Variants in KDM4C observed in about 807,000 individuals in gnomAD.
KDM4C encodes the protein lysine demethylase 4C, also known as lysine-specific demethylase 4C.
KDM4C carries 81 observed loss-of-function variants against 129.3 expected under a neutral mutation model. The observed-to-expected ratio is 0.63, with a 90% CI of 0.52 to 0.75. KDM4C has a LOEUF of 0.75. KDM4C is among the 30% of genes least tolerant of loss of function. The pLI is 0.00. For missense variants in KDM4C, 1,457 were observed against 1,304.0 expected (o/e 1.12, Z -1.81); for synonymous variants, 573 against 456.1 (o/e 1.26, Z -3.26).
At chr9:7,165,987 C>G (rs913327961) in intron 20 of KDM4C, among the ~76,000 whole-genome samples, 3 of 152,162 alleles carry the variant, frequency 2.0e-5, no homozygotes, top group African/African-American at 7.2e-5. Flanking sequence ...TTATTTCACC[C>G]AGAAATGAGA....
In KDM4C at chr9:6,784,562, GA is replaced by G. The variant is rs376986369; in HGVS notation, c.-17-8401del. On this transcript the variant is annotated intron_variant, in intron 1 of 21. Transcript: ENST00000381309. ...TATTCTTTATAGCAAAAGAAAAGAG[GA>G]AAAAAAAATCCTTTTGGTCTAGGAT... Among the ~76,000 whole-genome samples the G allele has an allele frequency of 6.1e-3, 918 of 151,352 alleles. 8 individuals carry two copies. Among genetic ancestry groups the G allele is most frequent in the African/African-American group, 0.021 (873 of 41,310 alleles).
chr9:6,966,214 G>T (rs1248366322), intron 8 of KDM4C, among the ~76,000 whole-genome samples: 3 of 151,750 alleles, frequency 2.0e-5, no homozygotes, highest in Non-Finnish European at 4.4e-5. Flanking sequence ...ACGGAGTCTC[G>T]CTCTGTCTCC....
At chr9:6,847,292 A>G (rs983511874) in intron 4 of KDM4C, among the ~76,000 whole-genome samples, 11 of 152,230 alleles carry the variant, frequency 7.2e-5, no homozygotes, top group Admixed American at 6.5e-4. Context: ...GTCTGATTGG[A>G]CTAGAGTTAA....
At chr9:7,112,288 A>T (rs926212262) in intron 18 of KDM4C, among the ~76,000 whole-genome samples, 4 of 152,132 alleles carry the variant, frequency 2.6e-5, no homozygotes, top group African/African-American at 9.7e-5. Context: ...GGATGGTCCC[A>T]TGCGAGGTTT....
chr9:6,950,991 G>A (rs1014072522), intron 8 of KDM4C, among the ~76,000 whole-genome samples: 1 of 151,966 alleles, frequency 6.6e-6, no homozygotes, highest in Admixed American at 6.6e-5. Flanking sequence ...ATCTCTGAAG[G>A]GAGGCATTCA....
At chr9:6,882,835 A>T (rs986423454) in intron 6 of KDM4C, among the ~76,000 whole-genome samples, 1 of 150,356 alleles carries the variant, frequency 6.7e-6, no homozygotes, top group Non-Finnish European at 1.5e-5. Context: ...CACATTGTGG[A>T]ATTTTTTTAA....
chr9:7,023,014 A>T (rs565518158), intron 15 of KDM4C, among the ~76,000 whole-genome samples: 1 of 152,184 alleles, frequency 6.6e-6, no homozygotes, highest in Non-Finnish European at 1.5e-5. Context: ...GTCATGATGA[A>T]TGATCTTTTT....
chr9:6,813,740 G>T (rs564090578), intron 3 of KDM4C, among the ~76,000 whole-genome samples: 1 of 152,072 alleles, frequency 6.6e-6, no homozygotes, highest in Non-Finnish European at 1.5e-5. Context: ...CTATGTGAGA[G>T]ATAACCATTA....
intron 15 of KDM4C, among the ~76,000 whole-genome samples, chr9:7,027,539 C>A (rs1182657414): frequency 1.3e-5 from 2 of 152,194 alleles, no homozygotes; most frequent in East Asian, 3.9e-4. Flanking sequence ...AGAACTGAAG[C>A]AAGCACAGCA....
chr9:7,067,344 G>A (rs7034275), intron 17 of KDM4C, among the ~76,000 whole-genome samples: 1 of 152,074 alleles, frequency 6.6e-6, no homozygotes, highest in Admixed American at 6.5e-5. Flanking sequence ...AAGCACAACA[G>A]TTTTTGTAAC....
rs551519252 is a variant in KDM4C, at chr9:7,103,759, G to C, written c.2499G>C (p.Pro833=). 3.1e-6 allele frequency: 5 copies of C among 1,613,812 alleles called. No homozygotes were observed. The highest frequency in any genetic ancestry group is 2.2e-5 in the South Asian group (2 of 91,082). Residue 833 remains proline (P), a synonymous_variant, in exon 18 of 22, where the codon CCG becomes CCC. Coordinates refer to ENST00000381309, the MANE Select transcript of KDM4C (RefSeq NM_015061.6). ...ACIQCSYGRC[P]ASFHVTCAHA... ...TCCAGTGTTCCTACGGTCGCTGCCC[G>C]GCCTCCTTCCATGTCACTTGTGCCC...
intron 18 of KDM4C, among the ~76,000 whole-genome samples, chr9:7,110,508 T>C (rs751015526): frequency 6.6e-6 from 1 of 152,202 alleles, no homozygotes; most frequent in Non-Finnish European, 1.5e-5. Context: ...TTTTCTAAAA[T>C]TCTCTTAACT....
rs571410939 is a variant in KDM4C at position 7,129,972 on chromosome 9, C to G, written c.2781+1736C>G. On this transcript the variant is annotated intron_variant, in intron 19 of 21. Coordinates refer to ENST00000381309, the MANE Select transcript of KDM4C (RefSeq NM_015061.6). ...GTATTTGATTACATGTAATCCGTCT[C>G]TAGAACTTCCACTCTTAACCCTGGG... 3.3e-5 allele frequency among the ~76,000 whole-genome samples: 5 copies of G among 152,292 alleles called. No individual in the cohort carries two copies. The South Asian group carries it at 8.3e-4, about 25-fold the overall frequency.
chr9:6,817,976 A>AGG (rs1832432184), intron 4 of KDM4C, among the ~76,000 whole-genome samples: 1 of 151,912 alleles, frequency 6.6e-6, no homozygotes, highest in South Asian at 2.1e-4. Context: ...CATCTTGGCC[A>AGG]GGTTGGTCTC....
chr9:6,952,791 A>G (rs1426458183), intron 8 of KDM4C, among the ~76,000 whole-genome samples: 5 of 152,220 alleles, frequency 3.3e-5, no homozygotes, highest in East Asian at 1.9e-4. Flanking sequence ...TTCCAGTGAC[A>G]TAAGTGCTCT....
chr9:7,161,674 G>A (rs1322859179), intron 19 of KDM4C, among the ~76,000 whole-genome samples: 2 of 152,154 alleles, frequency 1.3e-5, no homozygotes, highest in Non-Finnish European at 2.9e-5. Context: ...CCTGGCTTGG[G>A]CTGCTGGGCT....
chr9:6,823,185 G>A (rs1311629181), intron 4 of KDM4C, among the ~76,000 whole-genome samples: 3 of 152,118 alleles, frequency 2.0e-5, no homozygotes, highest in African/African-American at 4.8e-5. Context: ...TTTGCTGAGC[G>A]GTGACACATA....
At chr9:6,898,521 A>C (rs2130947135) in intron 8 of KDM4C, among the ~76,000 whole-genome samples, 1 of 152,344 alleles carries the variant, frequency 6.6e-6, no homozygotes, top group East Asian at 1.9e-4. Flanking sequence ...AAGTTGAAAA[A>C]CTGTACTGCA....
intron 4 of KDM4C, chr9:6,834,494 C>T (rs1002287848): frequency 1.6e-6 from 1 of 628,644 alleles, no homozygotes; most frequent in South Asian, 1.6e-5. Flanking sequence ...TCGACAACGG[C>T]TCCGGCATGT....
Sources: gnomAD v4.1 joint callset for allele counts (sites outside exome capture counted in the v4.1 genomes callset) on GRCh38, gnomAD v4.1.1 for gene constraint, MANE v1.5 for transcripts, NCBI Gene and HGNC (gene_info 2026-07-23, HGNC 2026-07-21) for gene names.